The following KLHL29 variants were observed in gnomAD, a reference collection of about 807,000 sequenced individuals.
The protein encoded by KLHL29 is kelch-like protein 29.
KLHL29 carries 21 observed loss-of-function variants against 80.4 expected under a neutral mutation model. That is an observed-to-expected ratio of 0.26 (90% CI 0.19 to 0.38). The LOEUF (loss-of-function observed/expected upper bound fraction) is 0.38. Ranked by LOEUF, KLHL29 falls within the 10% of genes least tolerant of loss-of-function variation. The pLI is 1.00. For missense variants in KLHL29, 867 were observed against 1,223.9 expected (o/e 0.71, Z 4.35); for synonymous variants, 511 against 526.8 (o/e 0.97, Z 0.41).
At chr2:23,496,514 T>A (rs946985274) in intron 2 of KLHL29, among the ~76,000 whole-genome samples, 3 of 152,018 alleles carry the variant, frequency 2.0e-5, no homozygotes, top group Non-Finnish European at 4.4e-5. Context: ...ACCGGAAAGA[T>A]ATGTTTTCCC....
chr2:23,634,490 C>T (rs748377321), intron 3 of KLHL29, among the ~76,000 whole-genome samples: 8 of 152,270 alleles, frequency 5.3e-5, no homozygotes, highest in Non-Finnish European at 8.8e-5. Context: ...AGCTTCTTCT[C>T]GAGGCTTCAT....
intron 1 of KLHL29, among the ~76,000 whole-genome samples, chr2:23,417,746 T>G (rs1320584631): frequency 6.6e-6 from 1 of 152,176 alleles, no homozygotes; most frequent in East Asian, 1.9e-4. Context: ...TCATAGACCC[T>G]TTAGAGCTCT....
At chr2:23,411,534 C>A (rs1666859199) in intron 1 of KLHL29, among the ~76,000 whole-genome samples, 2 of 151,848 alleles carry the variant, frequency 1.3e-5, no homozygotes, top group African/African-American at 4.8e-5. Flanking sequence ...AAGGCAGGAC[C>A]TCGAGAAGAG....
At chr2:23,412,635 T>C (rs1572492020) in intron 1 of KLHL29, among the ~76,000 whole-genome samples, 1 of 151,702 alleles carries the variant, frequency 6.6e-6, no homozygotes, top group East Asian at 1.9e-4. Context: ...CCAGAGGGAG[T>C]GGAGATTACT....
At chr2:23,616,514 A>G (rs549173317) in intron 3 of KLHL29, 10 of 152,358 alleles carry the variant, frequency 6.6e-5, no homozygotes, top group Non-Finnish European at 8.8e-5. Context: ...GCTTTTTAAA[A>G]TCAAGATTTT....
intron 2 of KLHL29, among the ~76,000 whole-genome samples, chr2:23,497,594 T>C (rs1327855955): frequency 6.6e-6 from 1 of 152,064 alleles, no homozygotes; most frequent in Non-Finnish European, 1.5e-5. Flanking sequence ...AAAAGTTTTG[T>C]AGGGATTTAG....
rs1382749612 is a variant in KLHL29, at chr2:23,684,653, G to A, written c.1079+116G>A. ...AGCGTGACTCCCTGTCACAGAGCCA[G>A]TAGCCATCTCTCCTCCTCCTCCTCC... On this transcript the variant is annotated intron_variant, in intron 6 of 13. Coordinates refer to ENST00000486442, the MANE Select transcript of KLHL29 (RefSeq NM_052920.2). The surrounding 1 kb of genome is among the most constrained non-coding windows in gnomAD (Gnocchi z 4.4). 1.2e-6 allele frequency: 1 copy of A among 861,304 alleles called. No homozygotes were observed. Among genetic ancestry groups the A allele is most frequent in the Non-Finnish European group, 1.7e-6 (1 of 597,014 alleles). The allele number at this position is 861,304 out of a possible 1,614,324, so 53.4% of individuals were successfully genotyped here. A position where few individuals can be genotyped will look rare whatever the true frequency, so the allele number is the denominator to read the frequency against.
intron 1 of KLHL29, among the ~76,000 whole-genome samples, chr2:23,415,710 T>C (rs898755727): frequency 2.0e-5 from 3 of 152,064 alleles, no homozygotes; most frequent in African/African-American, 7.3e-5. Flanking sequence ...TTTTTATTTT[T>C]TTTTTTGACA....
chr2:23,697,645 C>G (rs1672049194), intron 11 of KLHL29: 1 of 152,206 alleles, frequency 6.6e-6, no homozygotes, highest in African/African-American at 2.4e-5. Flanking sequence ...TCTGAATGCT[C>G]ATTGTGGGCT....
intron 3 of KLHL29, among the ~76,000 whole-genome samples, chr2:23,568,740 T>G (rs1444085251): frequency 2.6e-5 from 4 of 152,174 alleles, no homozygotes; most frequent in Non-Finnish European, 4.4e-5. Flanking sequence ...GGGACAGGCA[T>G]CTAAGGTTGG....
intron 1 of KLHL29, among the ~76,000 whole-genome samples, chr2:23,424,826 T>G (rs2103404493): frequency 6.6e-6 from 1 of 152,370 alleles, no homozygotes; most frequent in East Asian, 1.9e-4. Flanking sequence ...TAGATAACAT[T>G]TGAACATTAC....
intron 3 of KLHL29, among the ~76,000 whole-genome samples, chr2:23,585,689 G>A (rs1321534266): frequency 1.3e-5 from 2 of 152,008 alleles, no homozygotes; most frequent in Non-Finnish European, 2.9e-5. Flanking sequence ...CAGATTTTTG[G>A]CTTGGTGAAC....
At position 23,496,451 on chromosome 2, in the gene KLHL29, A is replaced by T. The variant is rs370696446; in HGVS notation, c.-46+20784A>T. ...GGTCCTCTTAAATTTGGAAAGGGGT[A>T]TGCAGAAAGAGCACAGCCCTGGTAC... On this transcript the variant is annotated intron_variant, in intron 2 of 13. Coordinates refer to ENST00000486442, the MANE Select transcript of KLHL29 (RefSeq NM_052920.2). Among the ~76,000 whole-genome samples the T allele has an allele frequency of 8.5e-5, 13 of 152,274 alleles. No individual in the cohort carries two copies. The East Asian group carries it at 2.3e-3, about 27-fold the overall frequency.
At chr2:23,397,949 C>T (rs1189918270) in intron 1 of KLHL29, among the ~76,000 whole-genome samples, 1 of 151,928 alleles carries the variant, frequency 6.6e-6, no homozygotes, top group East Asian at 1.9e-4. Context: ...TAAACAACAA[C>T]AGAAAATAAC....
chr2:23,558,433 A>G (rs1352770212), intron 2 of KLHL29, among the ~76,000 whole-genome samples: 1 of 24,954 alleles, frequency 4.0e-5, no homozygotes, highest in Non-Finnish European at 8.8e-5. Context: ...CTTTGGTCTC[A>G]CTCTGTCACC....
rs181814342 is a variant in KLHL29 at position 23,629,193 on chromosome 2, G to T, written c.286-9946G>T. Among the ~76,000 whole-genome samples the T allele has an allele frequency of 8.5e-4, 129 of 152,094 alleles. 1 individual carries two copies. The highest frequency in any genetic ancestry group is 2.9e-3 in the African/African-American group (121 of 41,512). The stretch of plus-strand genomic sequence containing the variant: ...CCCCGCTCTGTGAGAGGTGCCCCTC[G>T]CGCTCCTCCACGTCCCTGTCTGTCC... On this transcript the variant is annotated intron_variant, in intron 3 of 13. Coordinates refer to ENST00000486442, the MANE Select transcript of KLHL29 (RefSeq NM_052920.2).
intron 3 of KLHL29, among the ~76,000 whole-genome samples, chr2:23,583,520 C>T (rs973621368): frequency 3.3e-5 from 5 of 152,154 alleles, no homozygotes; most frequent in African/African-American, 1.2e-4. Flanking sequence ...TTTCAAAGGG[C>T]GATTAAAGCG....
At chr2:23,599,990 A>G (rs1668528936) in intron 3 of KLHL29, among the ~76,000 whole-genome samples, 1 of 152,186 alleles carries the variant, frequency 6.6e-6, no homozygotes, top group Non-Finnish European at 1.5e-5. Context: ...GTGCATACAC[A>G]CGTGCAGGAG....
intron 2 of KLHL29, among the ~76,000 whole-genome samples, chr2:23,539,999 C>T (rs775403635): frequency 4.6e-5 from 7 of 152,152 alleles, no homozygotes; most frequent in Non-Finnish European, 7.3e-5. Context: ...ACAGGTGTGC[C>T]GCCCACCAGC....
Sources: allele counts gnomAD v4.1 joint callset (sites outside exome capture counted in the v4.1 genomes callset), GRCh38; gene constraint gnomAD v4.1.1; non-coding constraint Gnocchi (gnomAD v3.1); transcripts MANE v1.5; gene names NCBI Gene and HGNC (gene_info 2026-07-23, HGNC 2026-07-21).